CPXM1: variants seen among roughly 807,000 people sequenced by gnomAD.
The protein encoded by CPXM1 is probable carboxypeptidase X1.
Under a neutral mutation model 80.4 loss-of-function variants are expected in CPXM1, and 72 were observed. That is an observed-to-expected ratio of 0.90 (90% CI 0.74 to 1.09). CPXM1 has a LOEUF of 1.09. Ranked by LOEUF, CPXM1 falls within the 50% of genes least tolerant of loss-of-function variation. The pLI, the probability that CPXM1 is intolerant of heterozygous loss-of-function variation, is 0.00. For synonymous variants in CPXM1, 403 were observed against 405.6 expected, an observed-to-expected ratio of 0.99 and a Z score of 0.08; for missense variants, 892 against 999.4, an observed-to-expected ratio of 0.89 and a Z score of 1.45.
Position 2,798,187 on chromosome 20 carries a change from C to T in CPXM1, c.555G>A (p.Ser185=), listed in dbSNP as rs1195354489. The T allele has an allele frequency of 1.5e-5, 24 of 1,613,852 alleles. No homozygotes were observed. Among genetic ancestry groups the T allele is most frequent in the South Asian group, 4.4e-5 (4 of 91,084 alleles). ...AGTTCCTGCCCTGTGTGATAACACC[C>T]GAGAAGCGGGTGGGGTGCCCAGCGT... The part of the protein sequence containing the change: ...QVDAGHPTRF[S]GVITQGRNSV... The change falls in exon 4 of 14, where the codon TCG becomes TCA. Residue 185 remains serine (S), a synonymous_variant. Coordinates refer to ENST00000380605, the MANE Select transcript of CPXM1 (RefSeq NM_019609.5).
At chr20:2,798,407 C>A in intron 3 of CPXM1, 21 bp downstream of exon 3, 1 of 1,607,606 alleles carries the variant, frequency 6.2e-7, no homozygotes. Flanking sequence ...GAGACCATGG[C>A]TCCGAGCCAG....
At chr20:2,797,466 T>A (rs760795341) in intron 5 of CPXM1, 124 bp from the exon 6 acceptor site, 25 of 1,095,788 alleles carry the variant, frequency 2.3e-5, no homozygotes, top group Non-Finnish European at 3.1e-5. Flanking sequence ...GCTAGAGACT[T>A]GCACTGTGCA....
chr20:2,798,109 C>T, intron 4 of CPXM1, 43 bp downstream of exon 4: 2 of 1,613,610 alleles, frequency 1.2e-6, no homozygotes, highest in Middle Eastern at 1.7e-4. Flanking sequence ...ACTCCCACCC[C>T]AGTCCTTCTG....
rs1335213231 is a variant in CPXM1, at chr20:2,795,211, G to A, written c.1860+66C>T. 3 of 1,566,032 alleles carry A rather than the reference G, an allele frequency of 1.9e-6. No individual in the cohort carries two copies. The highest frequency in any genetic ancestry group is 1.2e-5 in the South Asian group (1 of 84,512). ...TGGACCTTAGAAGAACCCCTGGTAGGAGCTGTAGCCTAAATGGACAGCAGG... is the reference window on the plus strand; with the variant it reads ...TGGACCTTAGAAGAACCCCTGGTAGAAGCTGTAGCCTAAATGGACAGCAGG... On this transcript the variant is annotated intron_variant, in intron 12 of 13. Transcript: ENST00000380605. This position sits in a 1 kb window ranked among gnomAD's most constrained non-coding sequence, Gnocchi z 5.4.
chr20:2,800,454 G>A lies in CPXM1; in HGVS notation c.119C>T (p.Ser40Leu), dbSNP rs17855829. The A allele has an allele frequency of 2.0e-3, 2,969 of 1,500,368 alleles. 8 individuals are homozygous for A. The highest frequency in any genetic ancestry group is 2.4e-3 in the Non-Finnish European group (2,666 of 1,132,126). 92.9% of individuals were successfully genotyped at this position (1,500,368 alleles called of 1,614,324 possible). ...AQPGTTKVPG[S>L]TPALHSSPAQ... ...CGGGCTGCTATGCAGGGCCGGGGTC[G>A]AGCCTGGGACCTTGGTGGTCCCGGG... is the stretch of plus-strand genomic sequence containing the variant. The change falls in exon 1 of 14, where the codon TCG becomes TTG. Residue 40 changes from serine (S) to leucine (L), a missense_variant. Coordinates refer to ENST00000380605, the MANE Select transcript of CPXM1 (RefSeq NM_019609.5).
At chr20:2,797,922 G>T in intron 5 of CPXM1, 46 bp downstream of exon 5, 1 of 1,550,640 alleles carries the variant, frequency 6.4e-7, no homozygotes, top group African/African-American at 1.4e-5. Context: ...TGGACTGGGT[G>T]CCCAACTCCC....
chr20:2,800,480 C>T lies in CPXM1; in HGVS notation c.93G>A (p.Gln31=). ...AGCCTGGGACCTTGGTGGTCCCGGG[C>T]TGCGCGAGGCCCAGCACCGAGTTCC... ...APRNSVLGLA[Q]PGTTKVPGST... Residue 31 remains glutamine (Q), a synonymous_variant, in exon 1 of 14, where the codon CAG becomes CAA. Coordinates refer to ENST00000380605, the MANE Select transcript of CPXM1 (RefSeq NM_019609.5). 3 of 1,439,412 alleles carry T rather than the reference C, an allele frequency of 2.1e-6. No homozygotes were observed. Among genetic ancestry groups the T allele is most frequent in the Non-Finnish European group, 2.7e-6 (3 of 1,103,802 alleles). 89.2% of individuals were successfully genotyped at this position (1,439,412 alleles called of 1,614,324 possible). A position where few individuals can be genotyped will look rare whatever the true frequency, so the allele number is the denominator to read the frequency against.
At chr20:2,798,391 T>A (rs368033038) in intron 3 of CPXM1, 37 bp downstream of exon 3, 167 of 1,603,450 alleles carry the variant, frequency 1.0e-4, no homozygotes, top group Middle Eastern at 8.3e-4. Context: ...CTGCCTTCCC[T>A]ACCCTGAGAC....
intron 1 of CPXM1, among the ~76,000 whole-genome samples, chr20:2,799,942 G>T (rs891426657): frequency 6.6e-6 from 1 of 152,212 alleles, no homozygotes; most frequent in Non-Finnish European, 1.5e-5. Context: ...TGTCTTTGGT[G>T]AAAAGGGAAG....
chr20:2,799,605 CCTCTCT>C (rs146436981), intron 1 of CPXM1, among the ~76,000 whole-genome samples: 4 of 150,290 alleles, frequency 2.7e-5, no homozygotes, highest in South Asian at 2.1e-4. Flanking sequence ...TCTTGGCAGC[CCTCTCT>C]CTCTCTCTCT....
chr20:2,798,477 C>T lies in CPXM1; in HGVS notation c.401G>A (p.Ser134Asn), dbSNP rs762292363. The change falls in exon 3 of 14, where the codon AGC (serine) becomes AAC (asparagine). Residue 134 changes from serine to asparagine, a missense_variant. This residue lies in a region of CPXM1 where 874 missense variants were observed against 958.4 expected (regional missense o/e 0.91). Transcript: ENST00000380605. The stretch of plus-strand genomic sequence containing the variant: ...TGGTCCAAGACCAAAGGACTGGCTG[C>T]TGGATGCCTCAAGCCGGCTATCTGA... ...RVSDSRLEAS[S>N]SQSFGLGPHR... The T allele has an allele frequency of 1.9e-6, 3 of 1,614,140 alleles. No individual in the cohort carries two copies. Among genetic ancestry groups the T allele is most frequent in the South Asian group, 2.2e-5 (2 of 91,082 alleles).
In CPXM1 at chr20:2,795,072, C is replaced by T. The variant is rs545205474; in HGVS notation, c.1860+205G>A. On this transcript the variant is annotated intron_variant, in intron 12 of 13. Coordinates refer to ENST00000380605, the MANE Select transcript of CPXM1 (RefSeq NM_019609.5). The surrounding 1 kb of genome is among the most constrained non-coding windows in gnomAD (Gnocchi z 5.4). ...AGACTGCAATGGAGGCTCCTCCCAC[C>T]GGCTCTAACACGATGCCACGCTGCC... Among the ~76,000 whole-genome samples the T allele has an allele frequency of 1.6e-4, 25 of 152,274 alleles. No individual in the cohort carries two copies. Among genetic ancestry groups the T allele is most frequent in the African/African-American group, 4.6e-4 (19 of 41,562 alleles).
Position 2,796,541 on chromosome 20 carries a change from C to T in CPXM1, c.1031G>A (p.Gly344Glu), listed in dbSNP as rs1206736497. The T allele has an allele frequency of 6.2e-7, 1 of 1,614,146 alleles. No individual in the cohort carries two copies. The highest frequency in any genetic ancestry group is 8.5e-7 in the Non-Finnish European group (1 of 1,180,014). ...LYVMEMSDKP[G>E]EHELGEPEVR... The stretch of plus-strand genomic sequence containing the variant: ...CATGCCAGTACCCAGCTCATGCTCC[C>T]CAGGCTTGTCCGACATTTCCATCAC... The change falls in exon 8 of 14, where the codon GGG becomes GAG. Residue 344 changes from glycine to glutamate, a missense_variant. Physicochemically the swap from Gly to Glu is moderately conservative, Grantham distance 98 (BLOSUM62 -2). Coordinates refer to ENST00000380605, the MANE Select transcript of CPXM1 (RefSeq NM_019609.5). The surrounding 1 kb of genome is among the most constrained non-coding windows in gnomAD (Gnocchi z 6.8).
Position 2,798,877 on chromosome 20 carries a change from A to G in CPXM1, c.189T>C (p.His63=). The G allele has an allele frequency of 1.2e-6, 2 of 1,613,956 alleles. No individual in the cohort carries two copies. Among genetic ancestry groups the G allele is most frequent in the Non-Finnish European group, 1.7e-6 (2 of 1,179,952 alleles). The change falls in exon 2 of 14, where the codon CAT becomes CAC. Residue 63 remains histidine, a synonymous_variant. Transcript: ENST00000380605. Reference sequence around the variant, plus strand: ...TCTTCTTGATGACTCGAATCCGGACATGCTGTTCTGAGGTCCCTTGGGGTC... The same window carrying G: ...TCTTCTTGATGACTCGAATCCGGACGTGCTGTTCTGAGGTCCCTTGGGGTC... The part of the protein sequence containing the change: ...AETANGTSEQ[H]VRIRVIKKKK...
In CPXM1 at chr20:2,794,651, G is replaced by A. The variant is rs754719547; in HGVS notation, c.1861-12C>T. 18 of 1,593,074 alleles carry A rather than the reference G, an allele frequency of 1.1e-5. No individual in the cohort carries two copies. The highest frequency in any genetic ancestry group is 1.5e-5 in the Non-Finnish European group (17 of 1,165,380). On this transcript the variant is annotated splice_polypyrimidine_tract_variant and intron_variant, in intron 12 of 13. Coordinates refer to ENST00000380605, the MANE Select transcript of CPXM1 (RefSeq NM_019609.5). This position sits in a 1 kb window ranked among gnomAD's most constrained non-coding sequence, Gnocchi z 5.2. ...ATGCCCATGCGCACCTGTGTGGGAA[G>A]AGGTTATCAGAGCCCTTCCCCTTCG...
Position 2,795,675 on chromosome 20 carries a change from G to A in CPXM1, c.1644C>T (p.Arg548=), listed in dbSNP as rs2088497800. Residue 548 remains arginine (R), a synonymous_variant, in exon 11 of 14, where the codon CGC becomes CGT. Coordinates refer to ENST00000380605, the MANE Select transcript of CPXM1 (RefSeq NM_019609.5). The surrounding 1 kb of genome is among the most constrained non-coding windows in gnomAD (Gnocchi z 5.4). ...GSNLAMQDTS[R]RPCHSQDFSV... ...AGAAGTCCTGGCTGTGGCAGGGTCG[G>A]CGGCTGGTGTCCTGCATGGCCAGAT... 6.2e-7 allele frequency: 1 copy of A among 1,613,922 alleles called. No homozygotes were observed. The highest frequency in any genetic ancestry group is 8.5e-7 in the Non-Finnish European group (1 of 1,180,030).
chr20:2,795,921 C>A lies in CPXM1; in HGVS notation c.1423-25G>T, dbSNP rs1220673406. On this transcript the variant is annotated intron_variant, in intron 10 of 13. Transcript: ENST00000380605. This position sits in a 1 kb window ranked among gnomAD's most constrained non-coding sequence, Gnocchi z 5.4. ...CCTGGATGGGGCAGGTCAGGAGGGG[C>A]AGGAGACAGAGACAAGGTCCGCCCC... 1 of 1,604,194 alleles carries A rather than the reference C, an allele frequency of 6.2e-7. No homozygotes were observed. The highest frequency in any genetic ancestry group is 1.1e-5 in the South Asian group (1 of 90,228).
chr20:2,795,325 G>A lies in CPXM1; in HGVS notation c.1812C>T (p.Pro604=). ...CGTCTTTGTTGTTCTCCCACTCCTG[G>A]GGCAATTCATTCTCGTGAGGGAACT... The part of the protein sequence containing the change: ...CDKFPHENEL[P]QEWENNKDAL... Residue 604 remains proline (P), a synonymous_variant, in exon 12 of 14, where the codon CCC becomes CCT. Transcript: ENST00000380605. The surrounding 1 kb of genome is among the most constrained non-coding windows in gnomAD (Gnocchi z 5.4). 1 of 1,614,058 alleles carries A rather than the reference G, an allele frequency of 6.2e-7. No individual in the cohort carries two copies. The highest frequency in any genetic ancestry group is 1.3e-5 in the African/African-American group (1 of 75,026).
chr20:2,800,286 CTG>C (rs1411115826), intron 1 of CPXM1, 113 bp downstream of exon 1: 22 of 957,506 alleles, frequency 2.3e-5, no homozygotes, highest in African/African-American at 3.5e-5. Flanking sequence ...GTGTGCATGA[CTG>C]TGAGTGTGCG....
Sources: gnomAD v4.1 joint callset for allele counts (sites outside exome capture counted in the v4.1 genomes callset) on GRCh38, gnomAD v4.1.1 for gene constraint, gnomAD v4.1.1 regional missense constraint, Gnocchi (gnomAD v3.1) non-coding constraint, MANE v1.5 for transcripts, NCBI Gene and HGNC (gene_info 2026-07-23, HGNC 2026-07-21) for gene names.